COMMD1: variants seen among roughly 807,000 people sequenced by gnomAD.
The protein encoded by COMMD1 is COMM domain-containing protein 1.
Under a neutral mutation model 17.2 loss-of-function variants are expected in COMMD1, and 10 were observed. That is an observed-to-expected ratio of 0.58 (90% CI 0.36 to 0.99). The LOEUF (loss-of-function observed/expected upper bound fraction) is 0.99. COMMD1 is among the 50% of genes least tolerant of loss of function. The probability of loss-of-function intolerance (pLI) is 0.01; values close to 1 mark genes in which losing one functional copy is unlikely to be tolerated. For synonymous variants in COMMD1, 97 were observed against 91.6 expected (o/e 1.06, Z -0.34); for missense variants, 270 against 231.8 (o/e 1.17, Z -1.07).
At chr2:61,943,792 G>A (rs550599465) in intron 1 of COMMD1, among the ~76,000 whole-genome samples, 6 of 152,198 alleles carry the variant, frequency 3.9e-5, no homozygotes, top group South Asian at 4.1e-4. Flanking sequence ...CCGAGATCCC[G>A]CCATTGCACT....
chr2:62,047,013 T>G (rs1310703855), intron 2 of COMMD1, among the ~76,000 whole-genome samples: 1 of 152,170 alleles, frequency 6.6e-6, no homozygotes, highest in Non-Finnish European at 1.5e-5. Context: ...AAACATTTAT[T>G]TGTTTTGCCA....
At chr2:62,111,163 C>T (rs1672445335) in intron 2 of COMMD1, among the ~76,000 whole-genome samples, 1 of 152,172 alleles carries the variant, frequency 6.6e-6, no homozygotes, top group Non-Finnish European at 1.5e-5. Flanking sequence ...TCACAATAAT[C>T]CTTATGCTAA....
chr2:62,076,644 G>A (rs1240040830), intron 2 of COMMD1, among the ~76,000 whole-genome samples: 1 of 152,188 alleles, frequency 6.6e-6, no homozygotes, highest in Non-Finnish European at 1.5e-5. Context: ...CTACTCAGGA[G>A]GCTGAGGCAT....
chr2:62,076,526 C>T (rs752261210), intron 2 of COMMD1, among the ~76,000 whole-genome samples: 1 of 152,198 alleles, frequency 6.6e-6, no homozygotes, highest in Non-Finnish European at 1.5e-5. Context: ...GCGGCTGGAT[C>T]GCTTGAGCCC....
intron 2 of COMMD1, among the ~76,000 whole-genome samples, chr2:62,048,182 CT>C (rs67195629): frequency 0.015 from 1,941 of 127,200 alleles, 14 homozygotes; most frequent in Non-Finnish European, 0.023. Context: ...AACTAAATTT[CT>C]TTTTTTTTTT....
At chr2:62,113,372 A>G (rs1672508959) in intron 2 of COMMD1, among the ~76,000 whole-genome samples, 1 of 152,094 alleles carries the variant, frequency 6.6e-6, no homozygotes, top group Admixed American at 6.5e-5. Context: ...ATATATATGT[A>G]TATGATTTTC....
At chr2:62,046,017 A>G (rs1670374626) in intron 2 of COMMD1, among the ~76,000 whole-genome samples, 1 of 152,144 alleles carries the variant, frequency 6.6e-6, no homozygotes, top group Non-Finnish European at 1.5e-5. Context: ...GATTCCAGGC[A>G]TGAGCCACTG....
At chr2:62,066,274 T>C (rs527574554) in intron 2 of COMMD1, among the ~76,000 whole-genome samples, 4 of 152,166 alleles carry the variant, frequency 2.6e-5, no homozygotes, top group African/African-American at 9.6e-5. Context: ...CTTAAAATGA[T>C]CTTTGTTTAG....
chr2:61,959,703 A>T (rs894991462), intron 1 of COMMD1, among the ~76,000 whole-genome samples: 1 of 152,184 alleles, frequency 6.6e-6, no homozygotes, highest in Non-Finnish European at 1.5e-5. Context: ...TCCTTTAATT[A>T]TGTTGGGAAT....
intron 2 of COMMD1, among the ~76,000 whole-genome samples, chr2:62,082,134 T>G (rs1024630439): frequency 6.6e-6 from 1 of 152,218 alleles, no homozygotes; most frequent in Non-Finnish European, 1.5e-5. Context: ...ATAGGACCTC[T>G]CTCACCTGAA....
chr2:61,966,178 TC>T (rs761978006), intron 1 of COMMD1, among the ~76,000 whole-genome samples: 1 of 152,176 alleles, frequency 6.6e-6, no homozygotes, highest in South Asian at 2.1e-4. Flanking sequence ...CTCTTTTTTT[TC>T]CCATTTCCAC....
intron 2 of COMMD1, among the ~76,000 whole-genome samples, chr2:62,127,370 A>G (rs1259017778): frequency 6.6e-6 from 1 of 152,244 alleles, no homozygotes; most frequent in African/African-American, 2.4e-5. Flanking sequence ...GAATTAGAAG[A>G]AAGTATTTTA....
chr2:61,916,579 G>A (rs1670056506), intron 1 of COMMD1, among the ~76,000 whole-genome samples: 1 of 151,818 alleles, frequency 6.6e-6, no homozygotes. Context: ...GTGCCAACAT[G>A]CCCGGCTAAT....
chr2:62,004,824 T>C (rs1216757175), intron 2 of COMMD1, among the ~76,000 whole-genome samples: 2 of 152,178 alleles, frequency 1.3e-5, no homozygotes, highest in African/African-American at 2.4e-5. Context: ...AGAACACCTA[T>C]AGGCACCCAC....
chr2:61,907,643 A>C (rs1478466703), intron 1 of COMMD1, among the ~76,000 whole-genome samples: 1 of 151,986 alleles, frequency 6.6e-6, no homozygotes, highest in East Asian at 1.9e-4. Context: ...TTTTGTTAGG[A>C]GATAAAACAG....
chr2:61,946,435 T>C (rs561506199), intron 1 of COMMD1, among the ~76,000 whole-genome samples: 3 of 152,210 alleles, frequency 2.0e-5, no homozygotes, highest in Non-Finnish European at 4.4e-5. Flanking sequence ...GACTTGGTTC[T>C]CTTAAATAAG....
At chr2:62,121,371 CAAAAAAA>C (rs55789110) in intron 2 of COMMD1, among the ~76,000 whole-genome samples, 8 of 47,204 alleles carry the variant, frequency 1.7e-4, no homozygotes, top group East Asian at 4.7e-4. Context: ...GACTCTTTCT[CAAAAAAA>C]AAAAAAAAAA....
chr2:61,898,883 A>C (rs1192623161), intron 1 of COMMD1, among the ~76,000 whole-genome samples: 2 of 152,172 alleles, frequency 1.3e-5, no homozygotes, highest in African/African-American at 4.8e-5. Context: ...GTTATCTACA[A>C]AATAGGTTGT....
At chr2:62,080,423 A>G (rs912200722) in intron 2 of COMMD1, among the ~76,000 whole-genome samples, 2 of 152,196 alleles carry the variant, frequency 1.3e-5, no homozygotes, top group African/African-American at 2.4e-5. Context: ...TCTGTTCTGT[A>G]TACTTGGTGT....
Sources: gnomAD v4.1 joint callset for allele counts (sites outside exome capture counted in the v4.1 genomes callset) on GRCh38, gnomAD v4.1.1 for gene constraint, MANE v1.5 for transcripts, NCBI Gene and HGNC (gene_info 2026-07-23, HGNC 2026-07-21) for gene names.